Variants in GALNT2 observed in about 807,000 individuals in gnomAD.
GALNT2 encodes UDP-GalNAc:polypeptide N-acetylgalactosaminyltransferase 2.
A neutral mutation model predicts 81.4 loss-of-function variants in GALNT2; 31 were observed. The observed-to-expected ratio is 0.38, with a 90% CI of 0.29 to 0.51. GALNT2 has a LOEUF of 0.51. Ranked by LOEUF, GALNT2 falls within the 20% of genes least tolerant of loss-of-function variation. The probability of loss-of-function intolerance (pLI) is 0.87; values close to 1 mark genes in which losing one functional copy is unlikely to be tolerated. For synonymous variants in GALNT2, 303 were observed against 287.4 expected (o/e 1.05, Z -0.55); for missense variants, 629 against 765.7 (o/e 0.82, Z 2.11).
chr1:230,202,894 G>A (rs1006802949), intron 2 of GALNT2, among the ~76,000 whole-genome samples: 5 of 152,230 alleles, frequency 3.3e-5, no homozygotes, highest in Admixed American at 2.6e-4. Flanking sequence ...TCACTGGACA[G>A]ATGCCTGTAC....
rs114928166 is a variant in GALNT2, at chr1:230,154,091, C to G, written c.127-24127C>G. 2.8e-3 allele frequency among the ~76,000 whole-genome samples: 430 copies of G among 152,262 alleles called. 1 individual carries two copies. Among genetic ancestry groups the G allele is most frequent in the African/African-American group, 9.9e-3 (412 of 41,552 alleles). ...CTCAGTGCTTTTTGAAAAGAGCTTG[C>G]ATAATCAGTGTCTGGTGAGCTGTGA... On this transcript the variant is annotated intron_variant, in intron 1 of 15. Coordinates refer to ENST00000366672, the MANE Select transcript of GALNT2 (RefSeq NM_004481.5).
chr1:230,270,157 C>T (rs767003344), intron 14 of GALNT2, among the ~76,000 whole-genome samples: 4 of 152,136 alleles, frequency 2.6e-5, no homozygotes, highest in Admixed American at 1.3e-4. Context: ...GCCGAGATCG[C>T]ACCACTATAC....
chr1:230,086,264 G>A (rs1659895604), intron 1 of GALNT2, among the ~76,000 whole-genome samples: 1 of 152,276 alleles, frequency 6.6e-6, no homozygotes, highest in Non-Finnish European at 1.5e-5. Flanking sequence ...AGAAAGGGTG[G>A]GTGATGGTGA....
intron 3 of GALNT2, among the ~76,000 whole-genome samples, chr1:230,230,932 C>A (rs986323279): frequency 6.6e-6 from 1 of 152,234 alleles, no homozygotes; most frequent in South Asian, 2.1e-4. Flanking sequence ...CCTCTCTGGG[C>A]CTTGTAGAGG....
intron 14 of GALNT2, among the ~76,000 whole-genome samples, chr1:230,268,729 C>G (rs1666097499): frequency 6.6e-6 from 1 of 152,194 alleles, no homozygotes; most frequent in African/African-American, 2.4e-5. Context: ...AAGACTTTGT[C>G]TGTGTAGCTG....
At chr1:230,125,583 A>G (rs1661148694) in intron 1 of GALNT2, among the ~76,000 whole-genome samples, 1 of 152,234 alleles carries the variant, frequency 6.6e-6, no homozygotes, top group African/African-American at 2.4e-5. Flanking sequence ...ACAAAATCTG[A>G]AGTTGTACAA....
rs534073149 is a variant in GALNT2, at chr1:230,156,457, C to G, written c.127-21761C>G. ...GGATATATTCATTGGTGAGTTCACT[C>G]AAGAGACTCCTTTTTGCGTTTCTTT... On this transcript the variant is annotated intron_variant, in intron 1 of 15. Coordinates refer to ENST00000366672, the MANE Select transcript of GALNT2 (RefSeq NM_004481.5). 2.0e-5 allele frequency among the ~76,000 whole-genome samples: 3 copies of G among 152,138 alleles called. No homozygotes were observed. The South Asian group carries it at 6.2e-4, about 32-fold the overall frequency.
chr1:230,232,645 C>A (rs1249055419), intron 3 of GALNT2, among the ~76,000 whole-genome samples: 1 of 152,234 alleles, frequency 6.6e-6, no homozygotes, highest in Non-Finnish European at 1.5e-5. Context: ...AGGATAGCTG[C>A]CTCCTAACGC....
intron 1 of GALNT2, among the ~76,000 whole-genome samples, chr1:230,135,459 T>G (rs1369123259): frequency 6.6e-6 from 1 of 152,178 alleles, no homozygotes; most frequent in Non-Finnish European, 1.5e-5. Flanking sequence ...CTGAGGTGCT[T>G]TTTACTTTTC....
intron 14 of GALNT2, among the ~76,000 whole-genome samples, chr1:230,267,506 G>A (rs1666067841): frequency 6.6e-6 from 1 of 152,264 alleles, no homozygotes; most frequent in African/African-American, 2.4e-5. Context: ...TCTGTGTGTA[G>A]CCTCTGGGCT....
At chr1:230,184,988 A>AT (rs1446577290) in intron 2 of GALNT2, among the ~76,000 whole-genome samples, 1 of 151,750 alleles carries the variant, frequency 6.6e-6, no homozygotes, top group Non-Finnish European at 1.5e-5. Flanking sequence ...AAGTTTAGAG[A>AT]TTTTTTTCCT....
intron 1 of GALNT2, among the ~76,000 whole-genome samples, chr1:230,160,847 G>A (rs1163560490): frequency 6.6e-6 from 1 of 151,990 alleles, no homozygotes. Flanking sequence ...TACAGAAGGG[G>A]ATATAATACC....
At chr1:230,254,459 G>T (rs185624966) in intron 10 of GALNT2, among the ~76,000 whole-genome samples, 1 of 152,278 alleles carries the variant, frequency 6.6e-6, no homozygotes, top group East Asian at 1.9e-4. Context: ...TGTGAGCAGC[G>T]TGCAGATATC....
chr1:230,240,678 C>T (rs200417251), intron 6 of GALNT2, among the ~76,000 whole-genome samples: 3 of 148,992 alleles, frequency 2.0e-5, no homozygotes, highest in Non-Finnish European at 3.0e-5. Context: ...TTTTTTTTAA[C>T]AATTTGATTA....
intron 3 of GALNT2, among the ~76,000 whole-genome samples, chr1:230,213,528 G>A (rs901798612): frequency 1.3e-5 from 2 of 152,160 alleles, no homozygotes; most frequent in African/African-American, 4.8e-5. Context: ...TATATTTAAA[G>A]TGTATCTTCT....
At chr1:230,264,525 T>G (rs1224048408) in intron 13 of GALNT2, 3 of 152,350 alleles carry the variant, frequency 2.0e-5, no homozygotes, top group Non-Finnish European at 2.9e-5. Context: ...CCCCTGTCTG[T>G]GGGGGGTGAG....
At chr1:230,140,802 C>T (rs1167631624) in intron 1 of GALNT2, among the ~76,000 whole-genome samples, 2 of 152,134 alleles carry the variant, frequency 1.3e-5, no homozygotes, top group South Asian at 2.1e-4. Flanking sequence ...AATCATGTAG[C>T]AAAACACAAA....
At chr1:230,190,424 GC>G (rs1663484057) in intron 2 of GALNT2, among the ~76,000 whole-genome samples, 1 of 152,168 alleles carries the variant, frequency 6.6e-6, no homozygotes, top group African/African-American at 2.4e-5. Context: ...GGGACCAAAT[GC>G]TCCTGAAGCA....
intron 1 of GALNT2, among the ~76,000 whole-genome samples, chr1:230,148,914 AG>A (rs1319679145): frequency 6.8e-6 from 1 of 146,226 alleles, no homozygotes; most frequent in Non-Finnish European, 1.5e-5. Context: ...TTTTTTAAAC[AG>A]GGCCTCGCCC....
Sources: gnomAD v4.1 joint callset for allele counts (sites outside exome capture counted in the v4.1 genomes callset) on GRCh38, gnomAD v4.1.1 for gene constraint, MANE v1.5 for transcripts, NCBI Gene and HGNC (gene_info 2026-07-23, HGNC 2026-07-21) for gene names.